TPCN1: variants seen among roughly 807,000 people sequenced by gnomAD.
The protein encoded by TPCN1 is two pore channel protein 1.
In TPCN1, 52 loss-of-function variants were observed where a neutral mutation model predicts 108.8. The ratio of observed to expected loss-of-function variants is 0.48; its 90% CI spans 0.38 to 0.60. The LOEUF (loss-of-function observed/expected upper bound fraction) is 0.60. TPCN1 is among the 20% of genes least tolerant of loss of function. The probability of loss-of-function intolerance (pLI) is 0.00; values close to 1 mark genes in which losing one functional copy is unlikely to be tolerated. For missense variants in TPCN1, 806 were observed against 1,072.8 expected (o/e 0.75, Z 3.47); for synonymous variants, 446 against 433.7 (o/e 1.03, Z -0.35).
At chr12:113,277,166 G>C in intron 11 of TPCN1, 74 bp from the exon 12 acceptor site, 1 of 1,608,554 alleles carries the variant, frequency 6.2e-7, no homozygotes, top group Non-Finnish European at 8.5e-7. Flanking sequence ...AACAGAGCTG[G>C]AGTGGATCTG....
At chr12:113,234,498 T>C (rs1953811729) in intron 2 of TPCN1, among the ~76,000 whole-genome samples, 1 of 152,228 alleles carries the variant, frequency 6.6e-6, no homozygotes, top group East Asian at 1.9e-4. Flanking sequence ...ACTTGCCTGG[T>C]AGAAGTCCCT....
intron 2 of TPCN1, among the ~76,000 whole-genome samples, chr12:113,227,895 C>T (rs1391243709): frequency 6.6e-6 from 1 of 152,118 alleles, no homozygotes; most frequent in Non-Finnish European, 1.5e-5. Context: ...GCAGTGTTTC[C>T]AGGGATGTGA....
At chr12:113,238,948 T>C (rs989866187) in intron 2 of TPCN1, among the ~76,000 whole-genome samples, 2 of 152,020 alleles carry the variant, frequency 1.3e-5, no homozygotes, top group Admixed American at 6.5e-5. Flanking sequence ...TTGGACAACA[T>C]AGTGAGACCC....
intron 2 of TPCN1, among the ~76,000 whole-genome samples, chr12:113,241,686 A>G (rs979013714): frequency 1.3e-5 from 2 of 151,920 alleles, no homozygotes; most frequent in African/African-American, 4.8e-5. Context: ...AGATGCTTCC[A>G]AGTGAATATG....
intron 15 of TPCN1, among the ~76,000 whole-genome samples, chr12:113,280,670 G>C (rs1955856037): frequency 6.6e-6 from 1 of 152,228 alleles, no homozygotes; most frequent in South Asian, 2.1e-4. Flanking sequence ...CAGCTTAGCT[G>C]TCACATTTCA....
Position 113,277,199 on chromosome 12 carries a change from G to C in TPCN1, c.1060-41G>C, listed in dbSNP as rs377497808. The C allele has an allele frequency of 1.9e-5, 31 of 1,610,616 alleles. No homozygotes were observed. In the African/African-American group the frequency reaches 3.3e-4, roughly 17 times the overall value. ...CTGGAGTGGGTGCCCCAAGGGAAGG[G>C]GAGTAGCCTGGGTTCCACACTGCTC... On this transcript the variant is annotated intron_variant, in intron 11 of 27. Transcript: ENST00000335509.
chr12:113,271,311 T>A (rs534120606), intron 7 of TPCN1, among the ~76,000 whole-genome samples: 1 of 152,122 alleles, frequency 6.6e-6, no homozygotes, highest in Non-Finnish European at 1.5e-5. Flanking sequence ...TGAACACCCA[T>A]GGACCTACCA....
intron 2 of TPCN1, among the ~76,000 whole-genome samples, chr12:113,230,786 G>C (rs1593071726): frequency 6.6e-6 from 1 of 152,196 alleles, no homozygotes; most frequent in Non-Finnish European, 1.5e-5. Flanking sequence ...ACATAGCTCA[G>C]TGCCCACAAT....
At chr12:113,280,835 A>AT (rs1304654636) in intron 15 of TPCN1, among the ~76,000 whole-genome samples, 1 of 152,190 alleles carries the variant, frequency 6.6e-6, no homozygotes, top group African/African-American at 2.4e-5. Context: ...TTAGTAGGAA[A>AT]TGGTGTTAGA....
chr12:113,282,890 A>G (rs1955938350), intron 15 of TPCN1, among the ~76,000 whole-genome samples: 1 of 152,158 alleles, frequency 6.6e-6, no homozygotes. Flanking sequence ...GTTCGAGACC[A>G]GCCTGAGCAA....
chr12:113,287,065 C>G lies in TPCN1; in HGVS notation c.1605C>G (p.Ile535Met). Reference protein sequence around the residue: ...LALNMEPFYFIVVLRPLQLLR... With the variant: ...LALNMEPFYFMVVLRPLQLLR... The stretch of plus-strand genomic sequence containing the variant: ...TCAACATGGAGCCCTTCTATTTCAT[C>G]GTGGTCCTGCGCCCCCTCCAGCTGC... Residue 535 changes from isoleucine to methionine, a missense_variant, in exon 19 of 28, where the codon ATC becomes ATG. Ile to Met is a conservative substitution (Grantham distance 10). Coordinates refer to ENST00000335509, the MANE Select transcript of TPCN1 (RefSeq NM_017901.6). The G allele has an allele frequency of 1.2e-6, 2 of 1,613,762 alleles. No homozygotes were observed. Among genetic ancestry groups the G allele is most frequent in the South Asian group, 1.1e-5 (1 of 91,070 alleles).
chr12:113,233,324 C>A (rs921403780), intron 2 of TPCN1, among the ~76,000 whole-genome samples: 2 of 152,228 alleles, frequency 1.3e-5, no homozygotes, highest in African/African-American at 4.8e-5. Context: ...CACGTTTCCT[C>A]TGAGAGCGCT....
At chr12:113,277,389 C>T (rs767471219) in intron 12 of TPCN1, 25 bp downstream of exon 12, 4 of 1,613,494 alleles carry the variant, frequency 2.5e-6, no homozygotes, top group Non-Finnish European at 3.4e-6. Flanking sequence ...CTGGTAGGGG[C>T]AGCATGGCCA....
Position 113,273,791 on chromosome 12 carries a change from A to T in TPCN1, c.942+123A>T. The T allele has an allele frequency of 1.2e-6, 1 of 845,916 alleles. No individual in the cohort carries two copies. Among genetic ancestry groups the T allele is most frequent in the Non-Finnish European group, 2.0e-6 (1 of 497,168 alleles). The allele number at this position is 845,916 out of a possible 1,614,324, so 52.4% of individuals were successfully genotyped here. On this transcript the variant is annotated intron_variant, in intron 10 of 27. Transcript: ENST00000335509. The surrounding 1 kb of genome is among the most constrained non-coding windows in gnomAD (Gnocchi z 4.0). ...TCTCAGGGCAGAACGTTGGGGCAGG[A>T]AGTCCCAGATTCATAGTCAGGTGCG...
At chr12:113,282,087 A>AT (rs1247829773) in intron 15 of TPCN1, among the ~76,000 whole-genome samples, 1,373 of 92,040 alleles carry the variant, frequency 0.015, 23 homozygotes, top group South Asian at 0.02. Flanking sequence ...CACCCGGCTA[A>AT]TTTTTTTTTT....
chr12:113,280,966 A>G lies in TPCN1; in HGVS notation c.1342+771A>G, dbSNP rs75246663. Among the ~76,000 whole-genome samples, 715 of 152,184 alleles carry G rather than the reference A, an allele frequency of 4.7e-3. 9 individuals carry two copies. Among genetic ancestry groups the G allele is most frequent in the African/African-American group, 0.016 (647 of 41,534 alleles). ...TAAACTGTTGTGCGTTCATGCTAATACTTCACATTCAGGCCTACAGCAATT... is the reference window on the plus strand; with the variant it reads ...TAAACTGTTGTGCGTTCATGCTAATGCTTCACATTCAGGCCTACAGCAATT... On this transcript the variant is annotated intron_variant, in intron 15 of 27. Transcript: ENST00000335509.
At chr12:113,290,882 A>G in intron 22 of TPCN1, 70 bp from the exon 23 acceptor site, 1 of 1,478,112 alleles carries the variant, frequency 6.8e-7, no homozygotes. Context: ...GATAGGTGGC[A>G]AGAGGCCACT....
intron 26 of TPCN1, 63 bp from the exon 27 acceptor site, chr12:113,293,206 G>C: frequency 6.2e-7 from 1 of 1,604,932 alleles, no homozygotes; most frequent in East Asian, 2.2e-5. Context: ...GACGCCAACT[G>C]TGGCACCAGG....
Position 113,287,015 on chromosome 12 carries a change from T to A in TPCN1, c.1555T>A (p.Phe519Ile). 3.1e-6 allele frequency: 5 copies of A among 1,613,870 alleles called. No individual in the cohort carries two copies. The South Asian group carries it at 4.4e-5, about 14-fold the overall frequency. The change falls in exon 19 of 28, where the codon TTC becomes ATC. Residue 519 changes from phenylalanine (F) to isoleucine (I), a missense_variant. Coordinates refer to ENST00000335509, the MANE Select transcript of TPCN1 (RefSeq NM_017901.6). ...LFDFSVTVFA[F>I]LGLLALALNM... ...TGACTTCTCCGTGACAGTGTTCGCC[T>A]TCCTGGGACTGCTGGCGCTGGCCCT...
Sources: gnomAD v4.1 joint callset for allele counts (sites outside exome capture counted in the v4.1 genomes callset) on GRCh38, gnomAD v4.1.1 for gene constraint, Gnocchi (gnomAD v3.1) non-coding constraint, MANE v1.5 for transcripts, NCBI Gene and HGNC (gene_info 2026-07-23, HGNC 2026-07-21) for gene names.